SLC35F2: variants seen among roughly 807,000 people sequenced by gnomAD.
SLC35F2 encodes solute carrier family 35 member F2.
Under a neutral mutation model 38.1 loss-of-function variants are expected in SLC35F2, and 25 were observed. That is an observed-to-expected ratio of 0.66 (90% confidence interval 0.48 to 0.92). SLC35F2 has a LOEUF of 0.92. Ranked by LOEUF, SLC35F2 falls within the 40% of genes least tolerant of loss-of-function variation. The pLI, the probability that SLC35F2 is intolerant of heterozygous loss-of-function variation, is 0.00. For missense variants in SLC35F2, 409 were observed against 452.9 expected (o/e 0.90, Z 0.88); for synonymous variants, 173 against 181.7 (o/e 0.95, Z 0.38).
chr11:107,794,679 A>G (rs1859190337), intron 7 of SLC35F2, among the ~76,000 whole-genome samples: 1 of 152,200 alleles, frequency 6.6e-6, no homozygotes, highest in African/African-American at 2.4e-5. Context: ...CTCCTATTCA[A>G]CATAGTACTG....
At chr11:107,839,061 T>G (rs1390820137) in intron 1 of SLC35F2, among the ~76,000 whole-genome samples, 1 of 152,210 alleles carries the variant, frequency 6.6e-6, no homozygotes, top group African/African-American at 2.4e-5. Flanking sequence ...AATTAGTAAG[T>G]CTACATTTTT....
intron 4 of SLC35F2, 71 bp downstream of exon 4, chr11:107,806,646 T>G (rs764638508): frequency 4.2e-6 from 6 of 1,417,894 alleles, no homozygotes; most frequent in Non-Finnish European, 5.0e-6. Flanking sequence ...ACAAGTTTCT[T>G]TGTTGATATA....
intron 1 of SLC35F2, among the ~76,000 whole-genome samples, chr11:107,856,834 A>C (rs1228512810): frequency 1.5e-5 from 2 of 131,046 alleles, no homozygotes; most frequent in Non-Finnish European, 3.2e-5. Context: ...AGACCGGAGC[A>C]CAGAGAAGTG....
In SLC35F2 at chr11:107,805,433, G is replaced by A. The variant is rs372858803; in HGVS notation, c.657C>T (p.Ile219=). ...YAISNVCEEY[I]VKKLSRQEFL... ...ACTCCTGTCTGCTCAGCTTCTTCAC[G>A]ATGTATTCCTCACAAACATTTGAAA... The change falls in exon 5 of 8, where the codon ATC becomes ATT. Residue 219 remains isoleucine (I), a synonymous_variant. Transcript: ENST00000525815. 32 of 1,613,948 alleles carry A rather than the reference G, an allele frequency of 2.0e-5. No individual in the cohort carries two copies. Among genetic ancestry groups the A allele is most frequent in the Admixed American group, 3.3e-5 (2 of 59,992 alleles).
rs1008395545 is a variant in SLC35F2, at chr11:107,791,393, A to G, written c.*1222T>C. The G allele has an allele frequency of 6.6e-6, 1 of 152,216 alleles. No individual in the cohort carries two copies. The highest frequency in any genetic ancestry group is 2.4e-5 in the African/African-American group (1 of 41,464). 9.4% of individuals were successfully genotyped at this position (152,216 alleles called of 1,614,324 possible). On this transcript the variant is annotated 3_prime_UTR_variant, in exon 8 of 8. Transcript: ENST00000525815. The stretch of plus-strand genomic sequence containing the variant: ...GCTAAATAAAATGAGATCAATAGGA[A>G]TATTCCAGGAGGTCGTGAGAAGTTT...
chr11:107,832,106 G>A (rs555045218), intron 1 of SLC35F2, among the ~76,000 whole-genome samples: 1 of 152,222 alleles, frequency 6.6e-6, no homozygotes, highest in East Asian at 1.9e-4. Context: ...GATGGGGTGG[G>A]TGAGCTAATT....
chr11:107,795,543 G>A (rs1240933008), intron 7 of SLC35F2, among the ~76,000 whole-genome samples: 1 of 152,196 alleles, frequency 6.6e-6, no homozygotes, highest in African/African-American at 2.4e-5. Flanking sequence ...CCTCCTGAAT[G>A]GGAGAAAATA....
chr11:107,815,597 A>C (rs565649740), intron 2 of SLC35F2, among the ~76,000 whole-genome samples, 193 bp downstream of exon 2: 19 of 151,668 alleles, frequency 1.3e-4, no homozygotes, highest in South Asian at 6.3e-4. Flanking sequence ...CACACACAAA[A>C]AAAAAAACAC....
At chr11:107,796,201 A>G (rs1237377820) in intron 7 of SLC35F2, among the ~76,000 whole-genome samples, 2 of 152,184 alleles carry the variant, frequency 1.3e-5, no homozygotes, top group Non-Finnish European at 2.9e-5. Context: ...TAGAGCCACT[A>G]TGGAAAACAG....
chr11:107,850,321 C>T (rs1439357419), intron 1 of SLC35F2, among the ~76,000 whole-genome samples: 1 of 152,082 alleles, frequency 6.6e-6, no homozygotes, highest in Non-Finnish European at 1.5e-5. Flanking sequence ...GGATGGACCA[C>T]GGAACCACAG....
chr11:107,792,757 C>T lies in SLC35F2; in HGVS notation c.983G>A (p.Gly328Glu). Reference protein sequence around the residue: ...YILSFTVIMVGFILYCSTPTR... With the variant: ...YILSFTVIMVEFILYCSTPTR... ...AGGGGTGGAGCAGTACAGGATAAACCCCACCATGATGACAGTGAAGGACAG... is the reference window on the plus strand; with the variant it reads ...AGGGGTGGAGCAGTACAGGATAAACTCCACCATGATGACAGTGAAGGACAG... The change falls in exon 8 of 8, where the codon GGG becomes GAG. Residue 328 changes from glycine (G) to glutamate (E), a missense_variant. Gly to Glu is a moderately conservative substitution (Grantham distance 98, BLOSUM62 -2). Coordinates refer to ENST00000525815, the MANE Select transcript of SLC35F2 (RefSeq NM_017515.5). 1 of 1,607,190 alleles carries T rather than the reference C, an allele frequency of 6.2e-7. No individual in the cohort carries two copies. Among genetic ancestry groups the T allele is most frequent in the South Asian group, 1.1e-5 (1 of 89,770 alleles).
chr11:107,819,803 A>C (rs996686157), intron 1 of SLC35F2, among the ~76,000 whole-genome samples: 2 of 152,158 alleles, frequency 1.3e-5, no homozygotes, highest in African/African-American at 4.8e-5. Context: ...CACAGCTCAC[A>C]ATCTCAATAA....
intron 1 of SLC35F2, 128 bp downstream of exon 1, chr11:107,858,530 G>A: frequency 1.2e-6 from 1 of 847,054 alleles, no homozygotes; most frequent in Non-Finnish European, 1.6e-6. Context: ...CCGAACCGAA[G>A]TCCGTGCGGC....
chr11:107,836,187 G>T (rs1233914068), intron 1 of SLC35F2, among the ~76,000 whole-genome samples: 1 of 151,824 alleles, frequency 6.6e-6, no homozygotes, highest in Non-Finnish European at 1.5e-5. Context: ...GTTGAGTAAA[G>T]GTTTCCTTGA....
intron 1 of SLC35F2, among the ~76,000 whole-genome samples, chr11:107,826,436 G>T (rs1392705402): frequency 6.6e-6 from 1 of 152,122 alleles, no homozygotes; most frequent in Non-Finnish European, 1.5e-5. Flanking sequence ...TAGAGATAGG[G>T]TTTCTCCATG....
At chr11:107,798,604 C>T (rs762684010) in intron 7 of SLC35F2, among the ~76,000 whole-genome samples, 7 of 151,860 alleles carry the variant, frequency 4.6e-5, no homozygotes, top group Admixed American at 3.9e-4. Flanking sequence ...TTACTTTATT[C>T]AGCAAATATT....
intron 1 of SLC35F2, among the ~76,000 whole-genome samples, chr11:107,823,633 T>C (rs1002174711): frequency 2.0e-5 from 3 of 151,986 alleles, no homozygotes; most frequent in Non-Finnish European, 4.4e-5. Flanking sequence ...AGAAATAAAT[T>C]ATAAGTAGTT....
chr11:107,834,664 A>G (rs978482132), intron 1 of SLC35F2, among the ~76,000 whole-genome samples: 2 of 152,132 alleles, frequency 1.3e-5, no homozygotes, highest in Non-Finnish European at 2.9e-5. Flanking sequence ...GAAAAATAAA[A>G]TGAATGAAGC....
rs1377309259 is a variant in SLC35F2, at chr11:107,792,630, G to A, written c.1110C>T (p.His370=). 6 of 1,611,660 alleles carry A rather than the reference G, an allele frequency of 3.7e-6. No individual in the cohort carries two copies. The highest frequency in any genetic ancestry group is 5.1e-6 in the Non-Finnish European group (6 of 1,179,142). ...TCTTCTCCAGCTACAAGACAGCAGA[G>A]TGGGTCTCCTGGAGGTTCTCCTCCA... ...LKLEENLQET[H]SAVL is the part of the protein sequence containing the mutation. Residue 370 remains histidine, a synonymous_variant, in exon 8 of 8, where the codon CAC becomes CAT. Transcript: ENST00000525815.
Sources: allele counts gnomAD v4.1 joint callset (sites outside exome capture counted in the v4.1 genomes callset), GRCh38; gene constraint gnomAD v4.1.1; transcripts MANE v1.5; gene names NCBI Gene and HGNC (gene_info 2026-07-23, HGNC 2026-07-21).